The following LDLRAD4 variants were observed in gnomAD, a reference collection of about 807,000 sequenced individuals.
LDLRAD4 encodes low-density lipoprotein receptor class A domain-containing protein 4.
Under a neutral mutation model 17.0 loss-of-function variants are expected in LDLRAD4, and 5 were observed. That is an observed-to-expected ratio of 0.29 (90% CI 0.15 to 0.62). LDLRAD4 has a LOEUF of 0.62. Among genes scored for constraint, LDLRAD4 ranks in the 20% least tolerant of loss-of-function variants. The probability of loss-of-function intolerance (pLI) is 0.84; values close to 1 mark genes in which losing one functional copy is unlikely to be tolerated. For missense variants in LDLRAD4, 340 were observed against 424.7 expected (o/e 0.80, Z 1.75); for synonymous variants, 168 against 171.8 (o/e 0.98, Z 0.17).
chr18:13,512,540 A>T (rs887746967), intron 3 of LDLRAD4, among the ~76,000 whole-genome samples: 3 of 152,192 alleles, frequency 2.0e-5, no homozygotes, highest in African/African-American at 4.8e-5. Context: ...CTTGATGTTC[A>T]CATTCTGGAT....
In LDLRAD4 at chr18:13,248,778, C is replaced by G. The variant is rs1327364064; in HGVS notation, c.-466-29327C>G. On this transcript the variant is annotated intron_variant, in intron 1 of 5. Coordinates refer to the LDLRAD4 transcript ENST00000399848. ...TGTGCTGGGAACATTCAGTATCCTC[C>G]TAGCTAATTGAAATTGTATATTATG... 2.0e-5 allele frequency among the ~76,000 whole-genome samples: 3 copies of G among 152,152 alleles called. No homozygotes were observed. The East Asian group carries it at 5.8e-4, about 29-fold the overall frequency.
intron 1 of LDLRAD4, among the ~76,000 whole-genome samples, chr18:13,325,643 G>A (rs1431769766): frequency 6.6e-6 from 1 of 152,290 alleles, no homozygotes; most frequent in East Asian, 1.9e-4. Flanking sequence ...TTTCCAGGCC[G>A]ATCCCGGCAC....
At chr18:13,611,774 C>T in intron 3 of LDLRAD4, 2 of 985,538 alleles carry the variant, frequency 2.0e-6, no homozygotes, top group Non-Finnish European at 1.2e-6. Context: ...ATGGGAGAGC[C>T]AAGAGGGAAG....
chr18:13,256,159 G>A (rs535975162), intron 1 of LDLRAD4, among the ~76,000 whole-genome samples: 1 of 152,322 alleles, frequency 6.6e-6, no homozygotes, highest in East Asian at 1.9e-4. Context: ...AGGTTTTGCT[G>A]CCTGATTATT....
At chr18:13,238,857 C>A (rs576007038) in intron 1 of LDLRAD4, among the ~76,000 whole-genome samples, 1 of 152,218 alleles carries the variant, frequency 6.6e-6, no homozygotes, top group South Asian at 2.1e-4. Flanking sequence ...AGCCCCTGTT[C>A]CTGCCGAGGT....
chr18:13,351,830 A>G (rs8092824), intron 1 of LDLRAD4, among the ~76,000 whole-genome samples: 12,955 of 152,280 alleles, frequency 0.085, 1,579 homozygotes, highest in African/African-American at 0.27. Context: ...CTTCAGGTCA[A>G]TATCCCTGAT....
chr18:13,300,779 C>T lies in LDLRAD4; in HGVS notation c.-383+22591C>T, dbSNP rs2046547844. ...GGGGTCTAGGCTGCTGAGGATTTCTCTCTGGAGGCCTCCATCTGGTCTTGC... is the reference window on the plus strand; with the variant it reads ...GGGGTCTAGGCTGCTGAGGATTTCTTTCTGGAGGCCTCCATCTGGTCTTGC... On this transcript the variant is annotated intron_variant, in intron 1 of 5. Transcript: ENST00000359446. The surrounding 1 kb of genome is among the most constrained non-coding windows in gnomAD (Gnocchi z 4.2). Among the ~76,000 whole-genome samples the T allele has an allele frequency of 6.6e-6, 1 of 152,220 alleles. No homozygotes were observed. The highest frequency in any genetic ancestry group is 2.1e-4 in the South Asian group (1 of 4,832).
intron 4 of LDLRAD4, among the ~76,000 whole-genome samples, chr18:13,633,142 A>C (rs1601829544): frequency 6.6e-6 from 1 of 152,172 alleles, no homozygotes; most frequent in East Asian, 1.9e-4. Context: ...TGGAGAGGAG[A>C]CCTGCAGTGA....
In LDLRAD4 at chr18:13,367,639, G is replaced by A. The variant is rs1599713463; in HGVS notation, c.-382-19702G>A. 2.0e-5 allele frequency among the ~76,000 whole-genome samples: 3 copies of A among 152,330 alleles called. No individual in the cohort carries two copies. In the East Asian group the frequency reaches 5.8e-4, roughly 29 times the overall value. On this transcript the variant is annotated intron_variant, in intron 1 of 5. Transcript: ENST00000359446. This position sits in a 1 kb window ranked among gnomAD's most constrained non-coding sequence, Gnocchi z 4.1. ...GGGTGGGCAAGCAGCTGCAGGGCCAGGTAGCCCCATCTGCTGTCAAGGAGT... is the reference window on the plus strand; with the variant it reads ...GGGTGGGCAAGCAGCTGCAGGGCCAAGTAGCCCCATCTGCTGTCAAGGAGT...
intron 3 of LDLRAD4, among the ~76,000 whole-genome samples, chr18:13,456,543 T>C (rs970447508): frequency 6.6e-6 from 1 of 152,204 alleles, no homozygotes; most frequent in Non-Finnish European, 1.5e-5. Context: ...ATTTTAATTA[T>C]GTGTTTAATG....
chr18:13,531,107 C>G (rs1246865621), intron 3 of LDLRAD4, among the ~76,000 whole-genome samples: 1 of 152,126 alleles, frequency 6.6e-6, no homozygotes, highest in African/African-American at 2.4e-5. Context: ...ATTCCTTAAC[C>G]CTGGGGCCTG....
chr18:13,645,444 C>G lies in LDLRAD4; in HGVS notation c.708C>G (p.Gly236=), dbSNP rs758124746. The change falls in exon 6 of 6, where the codon GGC becomes GGG. Residue 236 remains glycine, a synonymous_variant. Transcript: ENST00000359446. The surrounding 1 kb of genome is among the most constrained non-coding windows in gnomAD (Gnocchi z 5.7). The stretch of plus-strand genomic sequence containing the variant: ...CATGCCCACCCAGCAGCAACTCGGG[C>G]ATCAGTGCAAGCACCTGCAGCAGTA... The G allele has an allele frequency of 1.6e-5, 26 of 1,613,850 alleles. No individual in the cohort carries two copies. The highest frequency in any genetic ancestry group is 2.0e-5 in the Non-Finnish European group (24 of 1,179,970).
intron 3 of LDLRAD4, among the ~76,000 whole-genome samples, chr18:13,579,148 C>T (rs2094821167): frequency 6.6e-6 from 1 of 151,898 alleles, no homozygotes; most frequent in Non-Finnish European, 1.5e-5. Flanking sequence ...CGAGATCGCA[C>T]CACTGTACTC....
intron 3 of LDLRAD4, among the ~76,000 whole-genome samples, chr18:13,597,591 T>C (rs572622493): frequency 6.6e-5 from 10 of 152,288 alleles, no homozygotes; most frequent in African/African-American, 2.2e-4. Flanking sequence ...GTGTTTTTTA[T>C]CTAAGGCTCT....
chr18:13,651,620 C>T (rs2043250118), exon 6 of LDLRAD4: 1 of 152,198 alleles, frequency 6.6e-6, no homozygotes, highest in Admixed American at 6.5e-5. Flanking sequence ...TCTTCAAATA[C>T]CCTAATTTTA....
chr18:13,594,683 A>AAAAAAAAAAAAAAAAG (rs2095072114), intron 3 of LDLRAD4, among the ~76,000 whole-genome samples: 1 of 149,148 alleles, frequency 6.7e-6, no homozygotes, highest in Non-Finnish European at 1.5e-5. Flanking sequence ...AAAAAAAAAA[A>AAAAAAAAAAAAAAAAG]AAAAAAGAAA....
chr18:13,376,370 G>A (rs1259480484), intron 1 of LDLRAD4, among the ~76,000 whole-genome samples: 3 of 152,176 alleles, frequency 2.0e-5, no homozygotes, highest in African/African-American at 7.2e-5. Flanking sequence ...CGGTCGCTTA[G>A]ATCATGAAAG....
intron 1 of LDLRAD4, among the ~76,000 whole-genome samples, chr18:13,301,700 TC>T (rs2046612493): frequency 6.6e-6 from 1 of 152,228 alleles, no homozygotes; most frequent in South Asian, 2.1e-4. Flanking sequence ...GAAGCAAGAT[TC>T]TTTCTGTGTG....
At chr18:13,516,325 A>G (rs2147562602) in intron 3 of LDLRAD4, among the ~76,000 whole-genome samples, 1 of 152,212 alleles carries the variant, frequency 6.6e-6, no homozygotes, top group East Asian at 1.9e-4. Flanking sequence ...GCCATGAACG[A>G]TCTCTTCCGG....
Sources: allele counts gnomAD v4.1 joint callset (sites outside exome capture counted in the v4.1 genomes callset), GRCh38; gene constraint gnomAD v4.1.1; non-coding constraint Gnocchi (gnomAD v3.1); transcripts MANE v1.5; gene names NCBI Gene and HGNC (gene_info 2026-07-23, HGNC 2026-07-21).